The following NAV3 variants were observed in gnomAD, a reference collection of about 807,000 sequenced individuals.
NAV3 encodes the protein neuron navigator 3.
NAV3 carries 87 observed loss-of-function variants against 244.7 expected under a neutral mutation model. The observed-to-expected ratio is 0.36, with a 90% CI of 0.30 to 0.42. NAV3 has a LOEUF of 0.42. NAV3 is among the 20% of genes least tolerant of loss of function. The pLI is 1.00. For missense variants in NAV3, 2,663 were observed against 2,893.3 expected (o/e 0.92, Z 1.83); for synonymous variants, 1,126 against 1,042.2 (o/e 1.08, Z -1.55).
rs528514595 is a variant in NAV3 at position 78,128,099 on chromosome 12, T to C, written c.4281-607T>C. On this transcript the variant is annotated intron_variant, in intron 17 of 39. Transcript: ENST00000397909. ...GCGAAACTAGGTCTTTCTCCATTAT[T>C]TTTTTTCTCTCCAATTTTTCAGCAA... 1.1e-4 allele frequency among the ~76,000 whole-genome samples: 17 copies of C among 152,040 alleles called. No homozygotes were observed. In the South Asian group the frequency reaches 3.6e-3, roughly 32 times the overall value.
At chr12:78,188,221 A>G (rs537650395) in intron 31 of NAV3, 27 bp from the exon 32 acceptor site, 1 of 1,493,120 alleles carries the variant, frequency 6.7e-7, no homozygotes, top group Admixed American at 1.7e-5. Context: ...GTTGGATTTT[A>G]TCTTACTTTA....
chr12:77,911,486 GT>G (rs1886582659), intron 1 of NAV3, among the ~76,000 whole-genome samples: 1 of 152,018 alleles, frequency 6.6e-6, no homozygotes, highest in African/African-American at 2.4e-5. Context: ...GAGTATTTTG[GT>G]TTATTGTCAA....
At chr12:77,709,111 A>T (rs1471875587) in intron 2 of NAV3, among the ~76,000 whole-genome samples, 1 of 152,168 alleles carries the variant, frequency 6.6e-6, no homozygotes, top group African/African-American at 2.4e-5. Context: ...ACCATGATCA[A>T]GTGGGCTTCA....
chr12:78,086,462 A>C (rs1349807374), intron 12 of NAV3, among the ~76,000 whole-genome samples: 5 of 152,058 alleles, frequency 3.3e-5, no homozygotes, highest in Non-Finnish European at 7.4e-5. Context: ...ATTATGCCAA[A>C]ATGCTCAGGT....
chr12:77,747,910 C>A (rs979796524), intron 2 of NAV3, among the ~76,000 whole-genome samples: 1 of 152,040 alleles, frequency 6.6e-6, no homozygotes, highest in African/African-American at 2.4e-5. Flanking sequence ...GGAGGGATAG[C>A]GTTAGGAGAT....
upstream of NAV3, among the ~76,000 whole-genome samples, chr12:77,830,192 C>T (rs924342705): frequency 1.3e-5 from 2 of 152,184 alleles, no homozygotes; most frequent in Non-Finnish European, 2.9e-5. Context: ...ATCATTCATT[C>T]TCACTGAGTA....
intron 5 of NAV3, among the ~76,000 whole-genome samples, chr12:77,984,350 GGTAA>G (rs1405336917): frequency 6.6e-6 from 1 of 152,170 alleles, no homozygotes; most frequent in Admixed American, 6.5e-5. Flanking sequence ...CATCAAAAGT[GGTAA>G]GTGAGAACCA....
chr12:78,196,309 G>T (rs575965045), intron 34 of NAV3, among the ~76,000 whole-genome samples: 2 of 151,890 alleles, frequency 1.3e-5, no homozygotes, highest in African/African-American at 2.4e-5. Flanking sequence ...ATCCTGGCCC[G>T]TTGTTTTATC....
At chr12:78,177,091 G>T (rs568082251) in intron 26 of NAV3, 50 bp from the exon 27 acceptor site, 11 of 1,606,754 alleles carry the variant, frequency 6.8e-6, no homozygotes, top group South Asian at 6.6e-5. Flanking sequence ...CAAAGCAAAA[G>T]CTCTCCAAGT....
chr12:78,013,501 A>T (rs906335559), intron 8 of NAV3, among the ~76,000 whole-genome samples: 4 of 152,122 alleles, frequency 2.6e-5, no homozygotes, highest in African/African-American at 9.6e-5. Context: ...CCACATAAAC[A>T]AAGTCAATAA....
At chr12:77,892,582 AT>A (rs1884070217) in intron 1 of NAV3, among the ~76,000 whole-genome samples, 1 of 151,928 alleles carries the variant, frequency 6.6e-6, no homozygotes, top group African/African-American at 2.4e-5. Context: ...CACCTGGCTA[AT>A]TTTTTGTATT....
chr12:78,137,755 A>G (rs1956435057), intron 19 of NAV3, among the ~76,000 whole-genome samples: 2 of 152,172 alleles, frequency 1.3e-5, no homozygotes, highest in South Asian at 4.1e-4. Flanking sequence ...CATGTTGCTG[A>G]CTTTTATTCC....
intron 34 of NAV3, among the ~76,000 whole-genome samples, chr12:78,194,667 T>G (rs1036703587): frequency 6.6e-6 from 1 of 152,124 alleles, no homozygotes; most frequent in Non-Finnish European, 1.5e-5. Flanking sequence ...CAAAAGGAGA[T>G]GTCCAGCGAT....
At chr12:78,019,469 A>G (rs1353249430) in intron 8 of NAV3, among the ~76,000 whole-genome samples, 1 of 152,152 alleles carries the variant, frequency 6.6e-6, no homozygotes, top group Non-Finnish European at 1.5e-5. Context: ...AATTACATTA[A>G]TCTCATATCA....
chr12:77,712,897 C>T (rs78157089), intron 2 of NAV3, among the ~76,000 whole-genome samples: 3,804 of 152,264 alleles, frequency 0.025, 88 homozygotes, highest in African/African-American at 0.06. Flanking sequence ...AGATCACACT[C>T]CAAGGCTAAT....
intron 1 of NAV3, among the ~76,000 whole-genome samples, chr12:77,936,005 T>C (rs958579518): frequency 2.0e-5 from 3 of 152,092 alleles, no homozygotes; most frequent in African/African-American, 7.2e-5. Flanking sequence ...GAGATTTGGG[T>C]GGGGACACAG....
intron 9 of NAV3, among the ~76,000 whole-genome samples, chr12:78,032,938 C>T (rs1324714914): frequency 6.6e-6 from 1 of 152,064 alleles, no homozygotes; most frequent in Non-Finnish European, 1.5e-5. Context: ...GACTATCCAC[C>T]AACATGTAAC....
intron 12 of NAV3, among the ~76,000 whole-genome samples, chr12:78,103,678 G>A (rs752222613): frequency 4.6e-5 from 7 of 152,216 alleles, no homozygotes; most frequent in Non-Finnish European, 7.3e-5. Context: ...CATGGCAGGA[G>A]GCAAAAGGCA....
At chr12:77,689,544 A>G (rs1490435374) in intron 2 of NAV3, among the ~76,000 whole-genome samples, 1 of 151,930 alleles carries the variant, frequency 6.6e-6, no homozygotes. Flanking sequence ...AAACTTTTAA[A>G]GGAGTAGCAG....
Sources: allele counts gnomAD v4.1 joint callset (sites outside exome capture counted in the v4.1 genomes callset), GRCh38; gene constraint gnomAD v4.1.1; transcripts MANE v1.5; gene names NCBI Gene and HGNC (gene_info 2026-07-23, HGNC 2026-07-21).